Variants in FSTL4 observed in about 807,000 individuals in gnomAD.
FSTL4 encodes follistatin-related protein 4.
In FSTL4, 28 loss-of-function variants were observed where a neutral mutation model predicts 78.2. The observed-to-expected ratio is 0.36, with a 90% CI of 0.27 to 0.49. The LOEUF (loss-of-function observed/expected upper bound fraction) is 0.49, where lower values mean the gene tolerates loss of function less well. FSTL4 is among the 20% of genes least tolerant of loss of function. The pLI, the probability that FSTL4 is intolerant of heterozygous loss-of-function variation, is 0.98. For missense variants in FSTL4, 922 were observed against 1,084.9 expected, an observed-to-expected ratio of 0.85 and a Z score of 2.11; for synonymous variants, 422 against 440.5, an observed-to-expected ratio of 0.96 and a Z score of 0.53.
intron 2 of FSTL4, among the ~76,000 whole-genome samples, chr5:133,575,592 C>T (rs192646463): frequency 9.2e-5 from 14 of 152,260 alleles, no homozygotes; most frequent in East Asian, 7.7e-4. Flanking sequence ...ATGAGTTCAA[C>T]GGCTTCCTCA....
At chr5:133,259,420 T>C (rs1230175846) in intron 6 of FSTL4, among the ~76,000 whole-genome samples, 1 of 151,798 alleles carries the variant, frequency 6.6e-6, no homozygotes, top group Admixed American at 6.6e-5. Context: ...ACAGATGCGG[T>C]CAGAGGCAGG....
At chr5:133,218,608 C>G (rs1451555925) in intron 12 of FSTL4, among the ~76,000 whole-genome samples, 2 of 152,210 alleles carry the variant, frequency 1.3e-5, no homozygotes, top group African/African-American at 4.8e-5. Context: ...CTCAGCACTC[C>G]TCAATCACGC....
At chr5:133,695,147 C>A in the FSTL4 span, among the ~76,000 whole-genome samples, 1 of 152,112 alleles carries the variant, frequency 6.6e-6, no homozygotes, top group East Asian at 1.9e-4. Flanking sequence ...TTGACTGCAA[C>A]CCTCTTTATT....
Position 133,356,281 on chromosome 5 carries a change from T to C in FSTL4, c.410-39629A>G, listed in dbSNP as rs556068357. 6.6e-5 allele frequency among the ~76,000 whole-genome samples: 10 copies of C among 152,350 alleles called. No homozygotes were observed. In the South Asian group the frequency reaches 1.9e-3, roughly 28 times the overall value. ...CATCACCAATCAGCCCCTTCATTCA[T>C]GGGCTCATGGCTTGTGGGCGCCAAG... On this transcript the variant is annotated intron_variant, in intron 4 of 15. Transcript: ENST00000265342.
At chr5:133,201,018 C>T (rs780160498) in intron 15 of FSTL4, among the ~76,000 whole-genome samples, 2 of 152,180 alleles carry the variant, frequency 1.3e-5, no homozygotes, top group Non-Finnish European at 2.9e-5. Context: ...GAGGCTCTTG[C>T]ACAGGCTCTC....
the FSTL4 span, among the ~76,000 whole-genome samples, chr5:133,740,865 G>A: frequency 0.17 from 25,169 of 151,992 alleles, 2,600 homozygotes; most frequent in African/African-American, 0.26. Context: ...AGGTAGCCCC[G>A]TGCAGGACCA....
At chr5:133,707,670 A>G in the FSTL4 span, among the ~76,000 whole-genome samples, 2 of 150,532 alleles carry the variant, frequency 1.3e-5, no homozygotes, top group African/African-American at 4.8e-5. Flanking sequence ...CTGTGCTCTG[A>G]GGACTAAACA....
At chr5:133,257,542 T>A (rs1752410337) in intron 6 of FSTL4, among the ~76,000 whole-genome samples, 1 of 152,230 alleles carries the variant, frequency 6.6e-6, no homozygotes, top group South Asian at 2.1e-4. Flanking sequence ...AACCTCAATG[T>A]GACTGCTGTG....
At chr5:133,447,808 G>A (rs1757298808) in intron 3 of FSTL4, among the ~76,000 whole-genome samples, 1 of 152,140 alleles carries the variant, frequency 6.6e-6, no homozygotes, top group South Asian at 2.1e-4. Flanking sequence ...CCAAAGTGCT[G>A]GGATTACAGG....
chr5:133,425,715 T>TGTTCCTA (rs1756798538), intron 3 of FSTL4, among the ~76,000 whole-genome samples: 2 of 152,214 alleles, frequency 1.3e-5, no homozygotes, highest in African/African-American at 2.4e-5. Context: ...ATTGAATAAT[T>TGTTCCTA]CTGTGTTCCT....
chr5:133,430,862 C>T (rs1756920770), intron 3 of FSTL4, among the ~76,000 whole-genome samples: 1 of 152,108 alleles, frequency 6.6e-6, no homozygotes, highest in Admixed American at 6.5e-5. Context: ...CAGTAAAGGC[C>T]CCGCAGAGGA....
chr5:133,619,733 G>T, the FSTL4 span, among the ~76,000 whole-genome samples: 1 of 152,168 alleles, frequency 6.6e-6, no homozygotes, highest in Non-Finnish European at 1.5e-5. Context: ...TGAACAGGAT[G>T]CTTTAAAGCT....
chr5:133,206,717 C>G (rs991825305), intron 14 of FSTL4, among the ~76,000 whole-genome samples: 3 of 152,076 alleles, frequency 2.0e-5, no homozygotes, highest in Admixed American at 2.0e-4. Flanking sequence ...CTTTCTCATT[C>G]CTCATTTTGT....
intron 3 of FSTL4, among the ~76,000 whole-genome samples, chr5:133,547,290 T>C (rs1293871154): frequency 2.6e-5 from 4 of 152,210 alleles, no homozygotes; most frequent in African/African-American, 7.2e-5. Flanking sequence ...TGTCCATTCA[T>C]TGTATCTTGG....
At chr5:133,313,297 A>T (rs1329890241) in intron 5 of FSTL4, among the ~76,000 whole-genome samples, 1 of 152,152 alleles carries the variant, frequency 6.6e-6, no homozygotes, top group Non-Finnish European at 1.5e-5. Context: ...GCACACTCCC[A>T]GACCCCTCCG....
At chr5:133,231,647 A>T (rs976224676) in intron 8 of FSTL4, among the ~76,000 whole-genome samples, 2 of 152,134 alleles carry the variant, frequency 1.3e-5, no homozygotes, top group Non-Finnish European at 2.9e-5. Flanking sequence ...GGTTCAAGCA[A>T]TTCTCATGCC....
intron 6 of FSTL4, among the ~76,000 whole-genome samples, chr5:133,304,447 C>T (rs1232244133): frequency 6.6e-6 from 1 of 152,160 alleles, no homozygotes; most frequent in African/African-American, 2.4e-5. Context: ...CACCCCGTTC[C>T]TGCCTCTCCC....
chr5:133,768,600 C>A, the FSTL4 span, among the ~76,000 whole-genome samples: 1 of 152,170 alleles, frequency 6.6e-6, no homozygotes, highest in African/African-American at 2.4e-5. Flanking sequence ...AAAAACATCA[C>A]CTGCCATTGC....
intron 4 of FSTL4, among the ~76,000 whole-genome samples, chr5:133,356,082 T>C (rs1754939461): frequency 6.6e-6 from 1 of 152,092 alleles, no homozygotes; most frequent in Admixed American, 6.5e-5. Context: ...TGCCCAAACC[T>C]CCCCCACAGC....
Sources: allele counts gnomAD v4.1 joint callset (sites outside exome capture counted in the v4.1 genomes callset), GRCh38; gene constraint gnomAD v4.1.1; transcripts MANE v1.5; gene names NCBI Gene and HGNC (gene_info 2026-07-23, HGNC 2026-07-21).